TBCEL: variants seen among roughly 807,000 people sequenced by gnomAD.
TBCEL encodes tubulin-specific chaperone cofactor E-like protein.
In TBCEL, 15 loss-of-function variants were observed where a neutral mutation model predicts 44.2. The ratio of observed to expected loss-of-function variants is 0.34; its 90% CI spans 0.23 to 0.52. TBCEL has a LOEUF of 0.52. Among genes scored for constraint, TBCEL ranks in the 20% least tolerant of loss-of-function variants. TBCEL has a pLI of 0.95. For missense variants in TBCEL, 319 were observed against 506.3 expected (o/e 0.63, Z 3.55); for synonymous variants, 171 against 185.4 (o/e 0.92, Z 0.63).
intron 4 of TBCEL, among the ~76,000 whole-genome samples, chr11:121,052,410 T>C (rs1043646149): frequency 6.6e-6 from 1 of 151,818 alleles, no homozygotes; most frequent in East Asian, 1.9e-4. Flanking sequence ...ATGAGGAAAC[T>C]GAGATTTGGA....
At position 121,052,345 on chromosome 11, in the gene TBCEL, T is replaced by C. The variant is rs532462189; in HGVS notation, c.274-1206T>C. ...TCACTTGCTATGCTAAGCACTTTAA[T>C]GTGTATCTCATTTAATCCTACCAAC... On this transcript the variant is annotated intron_variant, in intron 4 of 8. Coordinates refer to ENST00000683345, the MANE Select transcript of TBCEL (RefSeq NM_001363644.2). Among the ~76,000 whole-genome samples the C allele has an allele frequency of 2.4e-4, 37 of 151,928 alleles. No homozygotes were observed. In the South Asian group the frequency reaches 6.8e-3, roughly 28 times the overall value.
intron 1 of TBCEL, among the ~76,000 whole-genome samples, chr11:121,029,678 A>G (rs1799031606): frequency 6.6e-6 from 1 of 152,208 alleles, no homozygotes; most frequent in Non-Finnish European, 1.5e-5. Flanking sequence ...TTAATCACTA[A>G]TCATTCTTAG....
intron 8 of TBCEL, among the ~76,000 whole-genome samples, chr11:121,073,779 C>T (rs534228482): frequency 2.0e-5 from 3 of 151,830 alleles, no homozygotes; most frequent in South Asian, 2.1e-4. Context: ...TCTTTTATTA[C>T]GAGTAGACAT....
In TBCEL at chr11:121,086,935, T is replaced by C; in HGVS notation, c.1114T>C (p.Leu372=). 3.7e-6 allele frequency: 6 copies of C among 1,614,048 alleles called. No individual in the cohort carries two copies. Among genetic ancestry groups the C allele is most frequent in the Non-Finnish European group, 5.1e-6 (6 of 1,179,988 alleles). Residue 372 remains leucine, a synonymous_variant, in exon 9 of 9, where the codon TTA becomes CTA. Coordinates refer to ENST00000683345, the MANE Select transcript of TBCEL (RefSeq NM_001363644.2). The part of the protein sequence containing the change: ...DQTVAELKKQ[L]KTLVQLPTSN... ...AACAGTGGCAGAACTAAAGAAACAG[T>C]TAAAAACTCTAGTACAATTACCCAC...
intron 8 of TBCEL, among the ~76,000 whole-genome samples, chr11:121,073,770 C>T (rs1365450872): frequency 2.0e-5 from 3 of 151,686 alleles, no homozygotes; most frequent in Non-Finnish European, 4.4e-5. Flanking sequence ...CTAAGAGTTT[C>T]TTTTATTACG....
At chr11:121,064,388 G>C (rs1275264785) in intron 8 of TBCEL, among the ~76,000 whole-genome samples, 1 of 152,192 alleles carries the variant, frequency 6.6e-6, no homozygotes, top group East Asian at 1.9e-4. Flanking sequence ...TCCTTTTAGG[G>C]AAGTGGTGTT....
At chr11:121,030,989 C>T (rs1945132950) in intron 1 of TBCEL, among the ~76,000 whole-genome samples, 1 of 151,844 alleles carries the variant, frequency 6.6e-6, no homozygotes, top group African/African-American at 2.4e-5. Context: ...AATGAACTAC[C>T]AATTGTTAAT....
intron 1 of TBCEL, among the ~76,000 whole-genome samples, chr11:121,028,854 C>A (rs1025537780): frequency 6.6e-6 from 1 of 152,172 alleles, no homozygotes; most frequent in Non-Finnish European, 1.5e-5. Flanking sequence ...AAAGGTGTTT[C>A]CGCCTTCTTT....
chr11:121,045,547 G>A, intron 2 of TBCEL, 127 bp from the exon 3 acceptor site: 1 of 694,584 alleles, frequency 1.4e-6, no homozygotes, highest in South Asian at 2.7e-5. Context: ...TCTGGGGTCA[G>A]TAACTAAGTA....
chr11:121,070,533 A>ATG (rs1945909742), intron 8 of TBCEL, among the ~76,000 whole-genome samples: 1 of 152,278 alleles, frequency 6.6e-6, no homozygotes, highest in African/African-American at 2.4e-5. Context: ...ATAAAAAAGG[A>ATG]TGAGTTCATG....
chr11:121,086,679 A>T, intron 8 of TBCEL, 99 bp from the exon 9 acceptor site: 1 of 878,050 alleles, frequency 1.1e-6, no homozygotes, highest in Non-Finnish European at 1.7e-6. Context: ...TTTTTTAAAG[A>T]TGTTGAGCCT....
rs1290011585 is a variant in TBCEL at position 121,045,679 on chromosome 11, T to G, written c.-12T>G. 3.2e-6 allele frequency: 5 copies of G among 1,568,636 alleles called. No individual in the cohort carries two copies. The highest frequency in any genetic ancestry group is 3.4e-6 in the Non-Finnish European group (4 of 1,162,052). ...TATTTCTTGGTTTCTTGTAGCATTT[T>G]AAGAAAGAAAGATGGATCAACCTAG... On this transcript the variant is annotated 5_prime_UTR_variant, in exon 3 of 9. The change abolishes the stop of an existing upstream ORF in the 5' untranslated region. Transcript: ENST00000683345.
intron 5 of TBCEL, among the ~76,000 whole-genome samples, chr11:121,054,069 GA>G (rs1490172008): frequency 2.0e-5 from 3 of 151,818 alleles, no homozygotes; most frequent in Non-Finnish European, 4.4e-5. Context: ...TCTTTGGGAG[GA>G]AAAGTCATAG....
At chr11:121,043,362 A>G (rs1945369024) in intron 2 of TBCEL, among the ~76,000 whole-genome samples, 1 of 152,210 alleles carries the variant, frequency 6.6e-6, no homozygotes. Flanking sequence ...TAGAGATAGG[A>G]TAACCACATA....
chr11:121,077,176 CT>C (rs1379062102), intron 8 of TBCEL, among the ~76,000 whole-genome samples: 2 of 151,778 alleles, frequency 1.3e-5, no homozygotes, highest in African/African-American at 4.8e-5. Context: ...GTGTTCTTTC[CT>C]TTTTTTCTGG....
chr11:121,069,653 G>A (rs756531464), intron 8 of TBCEL, among the ~76,000 whole-genome samples: 5 of 152,062 alleles, frequency 3.3e-5, no homozygotes, highest in Non-Finnish European at 5.9e-5. Flanking sequence ...TTAGTCAGGC[G>A]TGGTGGTGCA....
chr11:121,047,687 A>C lies in TBCEL; in HGVS notation c.273+20A>C. Reference sequence around the variant, plus strand: ...CATGAGGTGAAGTTTTTATATTGCTACATTTTAGTGAAAAGCAGCAATAAC... The same window carrying C: ...CATGAGGTGAAGTTTTTATATTGCTCCATTTTAGTGAAAAGCAGCAATAAC... On this transcript the variant is annotated intron_variant, in intron 4 of 8. Transcript: ENST00000683345. 6.2e-7 allele frequency: 1 copy of C among 1,610,814 alleles called. No individual in the cohort carries two copies. Among genetic ancestry groups the C allele is most frequent in the Non-Finnish European group, 8.5e-7 (1 of 1,178,104 alleles).
intron 2 of TBCEL, among the ~76,000 whole-genome samples, chr11:121,045,131 C>T (rs1276414475): frequency 2.6e-5 from 4 of 152,076 alleles, no homozygotes; most frequent in Non-Finnish European, 4.4e-5. Context: ...CATCTTTTAA[C>T]GATGATTCTT....
At chr11:121,075,072 C>T (rs1030206206) in intron 8 of TBCEL, among the ~76,000 whole-genome samples, 1 of 151,872 alleles carries the variant, frequency 6.6e-6, no homozygotes, top group South Asian at 2.1e-4. Flanking sequence ...AACATACACA[C>T]AAGGGCGTGT....
Sources: allele counts gnomAD v4.1 joint callset (sites outside exome capture counted in the v4.1 genomes callset), GRCh38; gene constraint gnomAD v4.1.1; transcripts MANE v1.5; gene names NCBI Gene and HGNC (gene_info 2026-07-23, HGNC 2026-07-21).